The following PRPF8 variants were observed in gnomAD, a reference collection of about 807,000 sequenced individuals.
The protein encoded by PRPF8 is pre-mRNA processing factor 8.
Under a neutral mutation model 285.9 loss-of-function variants are expected in PRPF8, and 64 were observed. The observed-to-expected ratio is 0.22, with a 90% CI of 0.18 to 0.28. The LOEUF is 0.28. Among genes scored for constraint, PRPF8 ranks in the 10% least tolerant of loss-of-function variants. The pLI is 1.00. For synonymous variants in PRPF8, 1,325 were observed against 1,118.2 expected (o/e 1.18, Z -3.69); for missense variants, 1,426 against 3,026.7 (o/e 0.47, Z 12.41).
In PRPF8 at chr17:1,680,928, C is replaced by A; in HGVS notation, c.992+1G>T. The A allele has an allele frequency of 6.2e-7, 1 of 1,614,112 alleles. No homozygotes were observed. Among genetic ancestry groups the A allele is most frequent in the Non-Finnish European group, 8.5e-7 (1 of 1,180,018 alleles). On this transcript the variant is annotated splice_donor_variant, in intron 7 of 42. Coordinates refer to ENST00000304992, the MANE Select transcript of PRPF8 (RefSeq NM_006445.4). LOFTEE classifies it high-confidence loss of function. ...CAAATGTTGTGTTCCAGGTCTCTTA[C>A]CAGGTGAGGTGGACATGGTGTGGAA... is the stretch of plus-strand genomic sequence containing the variant.
Position 1,653,417 on chromosome 17 carries a change from T to C in PRPF8, c.6369+125A>G. On this transcript the variant is annotated intron_variant, in intron 39 of 42. Coordinates refer to ENST00000304992, the MANE Select transcript of PRPF8 (RefSeq NM_006445.4). This position sits in a 1 kb window ranked among gnomAD's most constrained non-coding sequence, Gnocchi z 4.9. ...ACCCACCTCGTTGTTTTGGCTATCC[T>C]TGTATAATTACTCATCCATGAATCT... 1 of 1,370,986 alleles carries C rather than the reference T, an allele frequency of 7.3e-7. No homozygotes were observed. Among genetic ancestry groups the C allele is most frequent in the South Asian group, 1.2e-5 (1 of 82,886 alleles). The allele number at this position is 1,370,986 out of a possible 1,614,324, so 84.9% of individuals were successfully genotyped here.
At chr17:1,668,531 T>C (rs1334842874) in intron 24 of PRPF8, among the ~76,000 whole-genome samples, 1 of 151,628 alleles carries the variant, frequency 6.6e-6, no homozygotes, top group Admixed American at 6.6e-5. Context: ...TCCAGCTAAT[T>C]TTTTGTATTT....
chr17:1,676,126 C>T lies in PRPF8; in HGVS notation c.2553-72G>A. On this transcript the variant is annotated intron_variant, in intron 17 of 42. Transcript: ENST00000304992. This position sits in a 1 kb window ranked among gnomAD's most constrained non-coding sequence, Gnocchi z 6.3. ...AAAACCAGGAAAGACTGGGGCTACA[C>T]CTTCTTTCTTTGGACTCTGAGGATG... 6.2e-7 allele frequency: 1 copy of T among 1,612,058 alleles called. No homozygotes were observed. The highest frequency in any genetic ancestry group is 8.5e-7 in the Non-Finnish European group (1 of 1,179,840).
In PRPF8 at chr17:1,676,472, C is replaced by T. The variant is rs960227264; in HGVS notation, c.2388+33G>A. The T allele has an allele frequency of 6.2e-7, 1 of 1,614,074 alleles. No homozygotes were observed. Among genetic ancestry groups the T allele is most frequent in the East Asian group, 2.2e-5 (1 of 44,892 alleles). On this transcript the variant is annotated intron_variant, in intron 16 of 42. Coordinates refer to ENST00000304992, the MANE Select transcript of PRPF8 (RefSeq NM_006445.4). This position sits in a 1 kb window ranked among gnomAD's most constrained non-coding sequence, Gnocchi z 6.3. ...TCCTCCCTCTTGCCCACTCCCCCAC[C>T]ACTCACACCCAGCCCAGCCTACTCT...
chr17:1,673,063 G>C lies in PRPF8; in HGVS notation c.3774+18C>G. The C allele has an allele frequency of 2.5e-6, 4 of 1,610,300 alleles. No individual in the cohort carries two copies. The highest frequency in any genetic ancestry group is 3.4e-6 in the Non-Finnish European group (4 of 1,176,522). On this transcript the variant is annotated intron_variant, in intron 24 of 42. Transcript: ENST00000304992. This position sits in a 1 kb window ranked among gnomAD's most constrained non-coding sequence, Gnocchi z 5.5. ...ACAGCAGAGGACAAGAGGGAAGCTG[G>C]GCATGACGGCCCTGTACCTTGGTGA...
intron 14 of PRPF8, 93 bp downstream of exon 14, chr17:1,677,472 A>G: frequency 6.5e-7 from 1 of 1,545,606 alleles, no homozygotes; most frequent in South Asian, 1.1e-5. Flanking sequence ...CAGTAGGAAG[A>G]GTGCTCATAC....
rs151045703 is a variant in PRPF8, at chr17:1,650,677, C to T, written c.*125G>A. ...TTATATTTTATTCAGGATGACAAGC[C>T]ATCAGGAGGTCAACAACACAAGCAC... On this transcript the variant is annotated 3_prime_UTR_variant, in exon 43 of 43. Coordinates refer to ENST00000304992, the MANE Select transcript of PRPF8 (RefSeq NM_006445.4). The T allele has an allele frequency of 2.7e-4, 291 of 1,062,092 alleles. 2 individuals carry two copies. In the African/African-American group the frequency reaches 4.1e-3, roughly 15 times the overall value. The allele number at this position is 1,062,092 out of a possible 1,614,324, so 65.8% of individuals were successfully genotyped here.
chr17:1,675,568 A>G lies in PRPF8; in HGVS notation c.2872+52T>C. 2 of 1,609,058 alleles carry G rather than the reference A, an allele frequency of 1.2e-6. No homozygotes were observed. The highest frequency in any genetic ancestry group is 1.7e-6 in the Non-Finnish European group (2 of 1,175,590). On this transcript the variant is annotated intron_variant, in intron 19 of 42. Coordinates refer to ENST00000304992, the MANE Select transcript of PRPF8 (RefSeq NM_006445.4). This position sits in a 1 kb window ranked among gnomAD's most constrained non-coding sequence, Gnocchi z 6.0. ...GCTACCCAGATGAGATTTTTGACGT[A>G]GAACTAAATTCCTGCCCCGTTCCTC...
At position 1,676,432 on chromosome 17, in the gene PRPF8, G is replaced by A; in HGVS notation, c.2389-62C>T. 6.2e-7 allele frequency: 1 copy of A among 1,614,004 alleles called. No individual in the cohort carries two copies. Among genetic ancestry groups the A allele is most frequent in the Non-Finnish European group, 8.5e-7 (1 of 1,180,006 alleles). ...CCCGATCCTGCCAGAACAAGGTTCA[G>A]TCACAACTCTACAGTCCTCCCTCTT... On this transcript the variant is annotated intron_variant, in intron 16 of 42. Transcript: ENST00000304992. This position sits in a 1 kb window ranked among gnomAD's most constrained non-coding sequence, Gnocchi z 6.3.
rs1315064399 is a variant in PRPF8 at position 1,681,054 on chromosome 17, C to T, written c.867G>A (p.Gln289=). 2 of 1,613,246 alleles carry T rather than the reference C, an allele frequency of 1.2e-6. No homozygotes were observed. The highest frequency in any genetic ancestry group is 1.1e-5 in the South Asian group (1 of 91,040). ...FEPLVRDINL[Q]DEDWNEFNDI... is the part of the protein sequence containing the mutation. The stretch of plus-strand genomic sequence containing the variant: ...CATTGAATTCATTCCAGTCTTCATC[C>T]CTAGGGTACAACATCAAGAATAAGC... The change falls in exon 7 of 43, where the codon CAG becomes CAA. Residue 289 remains glutamine, a splice_region_variant and synonymous_variant. Coordinates refer to ENST00000304992, the MANE Select transcript of PRPF8 (RefSeq NM_006445.4).
chr17:1,682,757 A>G (rs1429595119), intron 3 of PRPF8, among the ~76,000 whole-genome samples: 3 of 152,200 alleles, frequency 2.0e-5, no homozygotes, highest in Non-Finnish European at 2.9e-5. Flanking sequence ...GAAATAAACA[A>G]AACTTCCAGT....
chr17:1,683,751 C>T, intron 2 of PRPF8, 50 bp from the exon 3 acceptor site: 2 of 1,607,142 alleles, frequency 1.2e-6, no homozygotes, highest in Non-Finnish European at 8.5e-7. Flanking sequence ...CCCTAATCCT[C>T]TTCACCTCTT....
chr17:1,671,447 G>T (rs149826646), intron 24 of PRPF8, among the ~76,000 whole-genome samples: 2 of 152,078 alleles, frequency 1.3e-5, no homozygotes, highest in African/African-American at 4.8e-5. Flanking sequence ...GGCTGGGCAC[G>T]GTGACTCACA....
intron 24 of PRPF8, among the ~76,000 whole-genome samples, chr17:1,667,790 C>T (rs1306311035): frequency 1.3e-5 from 2 of 152,188 alleles, no homozygotes; most frequent in Non-Finnish European, 2.9e-5. Context: ...GATCCACCTA[C>T]CTCGGCCTCC....
chr17:1,678,126 C>G (rs1000609461), intron 13 of PRPF8, among the ~76,000 whole-genome samples: 2 of 152,100 alleles, frequency 1.3e-5, no homozygotes, highest in Non-Finnish European at 2.9e-5. Context: ...ACCAGCCTGG[C>G]CAATACAGTG....
chr17:1,653,431 A>G lies in PRPF8; in HGVS notation c.6369+111T>C. 7 of 1,454,352 alleles carry G rather than the reference A, an allele frequency of 4.8e-6. No individual in the cohort carries two copies. Among genetic ancestry groups the G allele is most frequent in the Non-Finnish European group, 5.8e-6 (6 of 1,042,382 alleles). The allele number at this position is 1,454,352 out of a possible 1,614,324, so 90.1% of individuals were successfully genotyped here. The stretch of plus-strand genomic sequence containing the variant: ...TTTGGCTATCCTTGTATAATTACTC[A>G]TCCATGAATCTTGAAACCAGCATCT... On this transcript the variant is annotated intron_variant, in intron 39 of 42. Coordinates refer to ENST00000304992, the MANE Select transcript of PRPF8 (RefSeq NM_006445.4). This position sits in a 1 kb window ranked among gnomAD's most constrained non-coding sequence, Gnocchi z 4.9.
chr17:1,682,715 C>T (rs1913002330), intron 3 of PRPF8, among the ~76,000 whole-genome samples: 2 of 152,200 alleles, frequency 1.3e-5, no homozygotes, highest in South Asian at 4.1e-4. Context: ...ACTATATCCC[C>T]AGCAGCCAGC....
rs1913149699 is a variant in PRPF8, at chr17:1,684,728, G to C, written c.-12+52C>G. 1.6e-5 allele frequency: 12 copies of C among 745,070 alleles called. No homozygotes were observed. In the East Asian group the frequency reaches 3.2e-4, roughly 20 times the overall value. The allele number at this position is 745,070 out of a possible 1,614,324, so 46.2% of individuals were successfully genotyped here. On this transcript the variant is annotated intron_variant, in intron 1 of 42. Transcript: ENST00000304992. Reference sequence around the variant, plus strand: ...CCGGCCTAACCCCTTCGGTCACTCGGCCCGACCCGACCACGCCTCCCGCAG... The same window carrying C: ...CCGGCCTAACCCCTTCGGTCACTCGCCCCGACCCGACCACGCCTCCCGCAG...
At chr17:1,657,887 C>T (rs945923612) in intron 34 of PRPF8, among the ~76,000 whole-genome samples, 8 of 148,386 alleles carry the variant, frequency 5.4e-5, no homozygotes, top group East Asian at 2.0e-4. Flanking sequence ...AGGAGAATGG[C>T]GTGAACCCGG....
Sources: allele counts gnomAD v4.1 joint callset (sites outside exome capture counted in the v4.1 genomes callset), GRCh38; gene constraint gnomAD v4.1.1; non-coding constraint Gnocchi (gnomAD v3.1); transcripts MANE v1.5; gene names NCBI Gene and HGNC (gene_info 2026-07-23, HGNC 2026-07-21).